The following CDC42BPB variants were observed in gnomAD, a reference collection of about 807,000 sequenced individuals.
The protein encoded by CDC42BPB is serine/threonine-protein kinase MRCK beta.
CDC42BPB carries 37 observed loss-of-function variants against 214.9 expected under a neutral mutation model. The ratio of observed to expected loss-of-function variants is 0.17; its 90% CI spans 0.13 to 0.23. CDC42BPB has a LOEUF of 0.23. CDC42BPB is among the 10% of genes least tolerant of loss of function. The pLI is 1.00. For missense variants in CDC42BPB, 1,694 were observed against 2,227.0 expected (o/e 0.76, Z 4.82); for synonymous variants, 931 against 884.0 (o/e 1.05, Z -0.94).
At chr14:102,992,769 A>T (rs942385782) in intron 5 of CDC42BPB, among the ~76,000 whole-genome samples, 14 of 148,658 alleles carry the variant, frequency 9.4e-5, no homozygotes, top group African/African-American at 3.2e-4. Flanking sequence ...ATATTCAAAA[A>T]ATATATATTA....
chr14:103,044,750 A>G (rs1888199125), intron 1 of CDC42BPB, among the ~76,000 whole-genome samples: 1 of 151,502 alleles, frequency 6.6e-6, no homozygotes, highest in African/African-American at 2.4e-5. Context: ...GGCTCAAGCA[A>G]TCTTCCCACC....
intron 21 of CDC42BPB, among the ~76,000 whole-genome samples, chr14:102,958,160 C>T (rs898583978): frequency 1.3e-5 from 2 of 152,302 alleles, no homozygotes; most frequent in African/African-American, 4.8e-5. Flanking sequence ...ATTCCTGGGA[C>T]GACAAGGGAC....
Position 102,975,814 on chromosome 14 carries a change from G to C in CDC42BPB, c.1388-11C>G, listed in dbSNP as rs767820157. 1.2e-5 allele frequency: 20 copies of C among 1,614,044 alleles called. No individual in the cohort carries two copies. The highest frequency in any genetic ancestry group is 1.7e-5 in the Non-Finnish European group (20 of 1,180,016). Reference sequence around the variant, plus strand: ...CGGTCTGGGTGGACTCTGAGGGATGGAGAGACAGCGTGAGGTGCAGCCTGG... The same window carrying C: ...CGGTCTGGGTGGACTCTGAGGGATGCAGAGACAGCGTGAGGTGCAGCCTGG... On this transcript the variant is annotated splice_polypyrimidine_tract_variant and intron_variant, in intron 10 of 36. Transcript: ENST00000361246.
chr14:102,940,458 A>C (rs1161175678), intron 30 of CDC42BPB, 134 bp from the exon 31 acceptor site: 2 of 1,479,696 alleles, frequency 1.4e-6, no homozygotes, highest in African/African-American at 2.8e-5. Context: ...TCACGTCACC[A>C]AAGACTTCAT....
intron 12 of CDC42BPB, among the ~76,000 whole-genome samples, chr14:102,972,568 A>G (rs4398049): frequency 0.51 from 77,090 of 151,274 alleles, 21,070 homozygotes; most frequent in East Asian, 0.8. Flanking sequence ...GGGTGCCTGT[A>G]GTCCCAGCTA....
At position 102,943,814 on chromosome 14, in the gene CDC42BPB, A is replaced by G; in HGVS notation, c.4408+77T>C. On this transcript the variant is annotated intron_variant, in intron 30 of 36. Coordinates refer to ENST00000361246, the MANE Select transcript of CDC42BPB (RefSeq NM_006035.4). The surrounding 1 kb of genome is among the most constrained non-coding windows in gnomAD (Gnocchi z 4.6). Reference sequence around the variant, plus strand: ...CAACTAAGGGACTGGAAGACAAACCAAAGCAAAATCGAACACATGCTGACT... The same window carrying G: ...CAACTAAGGGACTGGAAGACAAACCGAAGCAAAATCGAACACATGCTGACT... The G allele has an allele frequency of 7.1e-7, 1 of 1,409,034 alleles. No individual in the cohort carries two copies. The highest frequency in any genetic ancestry group is 9.6e-7 in the Non-Finnish European group (1 of 1,038,700). 87.3% of individuals were successfully genotyped at this position (1,409,034 alleles called of 1,614,324 possible). A position where few individuals can be genotyped will look rare whatever the true frequency, so the allele number is the denominator to read the frequency against.
chr14:103,013,766 G>A (rs1008794162), intron 1 of CDC42BPB, among the ~76,000 whole-genome samples: 12 of 152,218 alleles, frequency 7.9e-5, no homozygotes, highest in African/African-American at 2.9e-4. Flanking sequence ...CGAGGGACAT[G>A]GCCTGGCTGA....
At chr14:102,992,511 CTGCTGCCGCCTCCCAGCCTG>C (rs1368109706) in intron 5 of CDC42BPB, among the ~76,000 whole-genome samples, 3 of 152,190 alleles carry the variant, frequency 2.0e-5, no homozygotes, top group Non-Finnish European at 4.4e-5. Context: ...GGAGCAGTGA[CTGCTGCCGCCTCCCAGCCTG>C]CGCTGACAGC....
chr14:102,989,036 T>C (rs980000442), intron 5 of CDC42BPB, among the ~76,000 whole-genome samples: 5 of 152,084 alleles, frequency 3.3e-5, no homozygotes, highest in Admixed American at 6.5e-5. Flanking sequence ...ATATTTGTAA[T>C]ATATATTACA....
At chr14:102,994,336 A>G (rs543909301) in intron 5 of CDC42BPB, among the ~76,000 whole-genome samples, 1 of 152,040 alleles carries the variant, frequency 6.6e-6, no homozygotes, top group Non-Finnish European at 1.5e-5. Flanking sequence ...TCTGCGCCGT[A>G]TAATTCTGTA....
At chr14:102,953,983 C>A (rs1892604767) in intron 23 of CDC42BPB, among the ~76,000 whole-genome samples, 1 of 152,160 alleles carries the variant, frequency 6.6e-6, no homozygotes, top group Non-Finnish European at 1.5e-5. Flanking sequence ...ATTTGTGTAG[C>A]ACTGGTATCA....
intron 22 of CDC42BPB, 38 bp downstream of exon 22, chr14:102,954,564 C>T: frequency 1.0e-5 from 16 of 1,568,636 alleles, no homozygotes; most frequent in Non-Finnish European, 1.4e-5. Context: ...CGAGGGCAGA[C>T]CCCAGGTGGG....
chr14:103,029,858 C>CAAAAAAAAA (rs11299296), intron 1 of CDC42BPB, among the ~76,000 whole-genome samples: 4 of 62,352 alleles, frequency 6.4e-5, no homozygotes, highest in Non-Finnish European at 8.6e-5. Context: ...ACTCCATCTC[C>CAAAAAAAAA]AAAAAAAAAA....
Position 102,946,475 on chromosome 14 carries a change from G to A in CDC42BPB, c.3741C>T (p.Ala1247=). Residue 1247 remains alanine (A), a synonymous_variant, in exon 28 of 37, where the codon GCC becomes GCT. Transcript: ENST00000361246. ...ACAACCTTTGGGACGTACCCACGAT[G>A]GCAGCTGTCAGGATGGCCTTGATGA... ...LPLIKAILTA[A]IVDADRIAVG... 1 of 1,612,654 alleles carries A rather than the reference G, an allele frequency of 6.2e-7. No homozygotes were observed. Among genetic ancestry groups the A allele is most frequent in the South Asian group, 1.1e-5 (1 of 91,066 alleles).
At chr14:103,055,497 G>T (rs150153510) in intron 1 of CDC42BPB, among the ~76,000 whole-genome samples, 1 of 152,212 alleles carries the variant, frequency 6.6e-6, no homozygotes, top group Non-Finnish European at 1.5e-5. Flanking sequence ...CAAAGCAACG[G>T]TGAAGTCAAT....
intron 5 of CDC42BPB, among the ~76,000 whole-genome samples, chr14:102,993,576 G>A (rs1894594606): frequency 6.6e-6 from 1 of 152,026 alleles, no homozygotes; most frequent in Admixed American, 6.6e-5. Context: ...GGGAAATGAA[G>A]ACCAACACTC....
In CDC42BPB at chr14:102,980,936, C is replaced by A. The variant is rs771743362; in HGVS notation, c.977G>T (p.Arg326Leu). ...CTCTATTCCATTCTGCCCCAGCCGG[C>A]GTTCTCTACTGCAGATCAGTCTCTG... ...LIQRLICSRE[R>L]RLGQNGIEDF... Residue 326 changes from arginine (R) to leucine (L), a missense_variant, in exon 8 of 37, where the codon CGC (arginine) becomes CTC (leucine). Transcript: ENST00000361246. The A allele has an allele frequency of 1.2e-6, 2 of 1,614,206 alleles. No homozygotes were observed. Among genetic ancestry groups the A allele is most frequent in the Non-Finnish European group, 1.7e-6 (2 of 1,180,034 alleles).
chr14:102,998,586 G>T (rs1894843451), intron 5 of CDC42BPB, among the ~76,000 whole-genome samples: 1 of 152,242 alleles, frequency 6.6e-6, no homozygotes, highest in Admixed American at 6.5e-5. Flanking sequence ...TGGACTCAGT[G>T]GCTGAGTCAC....
intron 18 of CDC42BPB, among the ~76,000 whole-genome samples, chr14:102,965,889 G>A (rs1478101966): frequency 2.0e-5 from 3 of 152,152 alleles, no homozygotes; most frequent in Admixed American, 6.5e-5. Context: ...GCCGGGAGGC[G>A]GAGGTTGCAG....
Sources: gnomAD v4.1 joint callset for allele counts (sites outside exome capture counted in the v4.1 genomes callset) on GRCh38, gnomAD v4.1.1 for gene constraint, Gnocchi (gnomAD v3.1) non-coding constraint, MANE v1.5 for transcripts, NCBI Gene and HGNC (gene_info 2026-07-23, HGNC 2026-07-21) for gene names.